Variants in GALNT13 observed in about 807,000 individuals in gnomAD.
GALNT13 encodes UDP-GalNAc:polypeptide N-acetylgalactosaminyltransferase 13.
Under a neutral mutation model 64.2 loss-of-function variants are expected in GALNT13, and 28 were observed. The ratio of observed to expected loss-of-function variants is 0.44; its 90% CI spans 0.32 to 0.60. GALNT13 has a LOEUF of 0.60. Among genes scored for constraint, GALNT13 ranks in the 20% least tolerant of loss-of-function variants. The pLI is 0.05. For missense variants in GALNT13, 577 were observed against 669.8 expected (o/e 0.86, Z 1.53); for synonymous variants, 214 against 224.6 (o/e 0.95, Z 0.42).
Position 154,117,599 on chromosome 2 carries a change from G to T in GALNT13, c.143-22738G>T, listed in dbSNP as rs1312764116. 2.6e-5 allele frequency among the ~76,000 whole-genome samples: 4 copies of T among 152,096 alleles called. No individual in the cohort carries two copies. In the South Asian group the frequency reaches 6.2e-4, roughly 24 times the overall value. On this transcript the variant is annotated intron_variant, in intron 3 of 12. Coordinates refer to ENST00000392825, the MANE Select transcript of GALNT13 (RefSeq NM_052917.4). ...AGGTTGCTGCAAATGCCGTTAATTTGTTCCTTTTTATGACTGAGTAGTATT... is the reference window on the plus strand; with the variant it reads ...AGGTTGCTGCAAATGCCGTTAATTTTTTCCTTTTTATGACTGAGTAGTATT...
At chr2:153,323,667 A>G in the GALNT13 span, among the ~76,000 whole-genome samples, 4 of 152,150 alleles carry the variant, frequency 2.6e-5, no homozygotes, top group African/African-American at 9.7e-5. Flanking sequence ...ATTATTGTAT[A>G]AGGTGTAAGG....
chr2:153,832,203 G>T, the GALNT13 span, among the ~76,000 whole-genome samples: 1 of 152,078 alleles, frequency 6.6e-6, no homozygotes. Context: ...GGGAAAAAAT[G>T]AAGAAGGCAT....
chr2:153,575,229 G>A, the GALNT13 span, among the ~76,000 whole-genome samples: 18 of 152,102 alleles, frequency 1.2e-4, no homozygotes, highest in African/African-American at 4.1e-4. Context: ...ACATCTCTTT[G>A]TCCCTTTACT....
intron 7 of GALNT13, among the ~76,000 whole-genome samples, chr2:154,257,107 G>T (rs1169943847): frequency 6.6e-6 from 1 of 152,062 alleles, no homozygotes; most frequent in East Asian, 1.9e-4. Context: ...TCTGTCTTCA[G>T]AAAATACAGG....
intron 2 of GALNT13, among the ~76,000 whole-genome samples, chr2:153,930,614 A>G (rs1424818431): frequency 6.6e-6 from 1 of 152,076 alleles, no homozygotes; most frequent in African/African-American, 2.4e-5. Context: ...TACTTTGTTG[A>G]AGATCAGATG....
At chr2:153,728,604 C>T in the GALNT13 span, among the ~76,000 whole-genome samples, 1 of 152,026 alleles carries the variant, frequency 6.6e-6, no homozygotes, top group African/African-American at 2.4e-5. Context: ...CAAGAGAAAA[C>T]AAATCCAAAA....
chr2:153,293,761 TTGTGTGTGTGTGTGTG>T, the GALNT13 span, among the ~76,000 whole-genome samples: 7 of 104,738 alleles, frequency 6.7e-5, no homozygotes, highest in East Asian at 2.3e-4. Flanking sequence ...TTTTTTCTGT[TTGTGTGTGTGTGTGTG>T]TGTGTGTGTG....
At chr2:153,849,827 C>T in the GALNT13 span, among the ~76,000 whole-genome samples, 8 of 152,062 alleles carry the variant, frequency 5.3e-5, no homozygotes, top group East Asian at 1.4e-3. Context: ...TACGTATGAG[C>T]ATATGTGGCT....
intron 3 of GALNT13, among the ~76,000 whole-genome samples, chr2:154,136,538 A>G (rs2105566107): frequency 6.6e-6 from 1 of 152,260 alleles, no homozygotes. Context: ...CAATTGATAA[A>G]TAGTGTTCTT....
At chr2:154,374,154 A>G (rs891285041) in intron 9 of GALNT13, among the ~76,000 whole-genome samples, 2 of 152,180 alleles carry the variant, frequency 1.3e-5, no homozygotes, top group African/African-American at 4.8e-5. Context: ...TGAAACCTCC[A>G]TTTTGCAAAT....
chr2:153,721,336 A>G, the GALNT13 span, among the ~76,000 whole-genome samples: 6,012 of 128,102 alleles, frequency 0.047, 207 homozygotes, highest in African/African-American at 0.13. Context: ...AGGAACAACC[A>G]GTACCAGCCG....
At chr2:153,069,774 TA>T in the GALNT13 span, among the ~76,000 whole-genome samples, 12 of 152,220 alleles carry the variant, frequency 7.9e-5, no homozygotes, top group Non-Finnish European at 1.2e-4. Context: ...GAATTTCACC[TA>T]TTTGCAAATG....
chr2:154,177,229 A>T (rs1232680971), intron 4 of GALNT13, among the ~76,000 whole-genome samples: 4 of 152,228 alleles, frequency 2.6e-5, no homozygotes. Flanking sequence ...GATAGAAAGA[A>T]ATGAGCTCTC....
intron 3 of GALNT13, among the ~76,000 whole-genome samples, chr2:153,971,450 A>G (rs1260836945): frequency 6.6e-6 from 1 of 152,060 alleles, no homozygotes; most frequent in East Asian, 1.9e-4. Context: ...GACACATCAG[A>G]TATGTGAATG....
At chr2:153,758,378 T>G in the GALNT13 span, among the ~76,000 whole-genome samples, 1 of 152,106 alleles carries the variant, frequency 6.6e-6, no homozygotes, top group African/African-American at 2.4e-5. Flanking sequence ...ACCATGCTGT[T>G]TTAATTACTA....
At chr2:154,261,081 A>G (rs1361645421) in intron 8 of GALNT13, among the ~76,000 whole-genome samples, 2 of 152,140 alleles carry the variant, frequency 1.3e-5, no homozygotes. Context: ...AATATGATAA[A>G]CAAGGAGGAC....
the GALNT13 span, among the ~76,000 whole-genome samples, chr2:153,638,363 A>G: frequency 6.6e-6 from 1 of 152,134 alleles, no homozygotes; most frequent in Admixed American, 6.6e-5. Context: ...GCAATAGAGG[A>G]AGCAGAGGGA....
chr2:153,545,123 G>A, the GALNT13 span, among the ~76,000 whole-genome samples: 7 of 152,146 alleles, frequency 4.6e-5, no homozygotes, highest in South Asian at 6.2e-4. Flanking sequence ...AAAAAGGAGC[G>A]CTTAACCCAG....
At chr2:153,106,131 C>A in the GALNT13 span, among the ~76,000 whole-genome samples, 1 of 152,116 alleles carries the variant, frequency 6.6e-6, no homozygotes, top group African/African-American at 2.4e-5. Flanking sequence ...TAAATAACTC[C>A]CTCAAAGATT....
Sources: allele counts gnomAD v4.1 joint callset (sites outside exome capture counted in the v4.1 genomes callset), GRCh38; gene constraint gnomAD v4.1.1; transcripts MANE v1.5; gene names NCBI Gene and HGNC (gene_info 2026-07-23, HGNC 2026-07-21).